Variants in NLRC5 observed in about 807,000 individuals in gnomAD.
NLRC5 encodes protein NLRC5.
NLRC5 carries 114 observed loss-of-function variants against 206.9 expected under a neutral mutation model. The observed-to-expected ratio is 0.55, with a 90% CI of 0.47 to 0.64. NLRC5 has a LOEUF of 0.64. Among genes scored for constraint, NLRC5 ranks in the 30% least tolerant of loss-of-function variants. The pLI, the probability that NLRC5 is intolerant of heterozygous loss-of-function variation, is 0.00. For missense variants in NLRC5, 2,008 were observed against 2,305.5 expected (o/e 0.87, Z 2.64); for synonymous variants, 952 against 962.8 (o/e 0.99, Z 0.21).
At position 57,083,237 on chromosome 16, in the gene NLRC5, A is replaced by G. The variant is rs1425239209; in HGVS notation, c.*709A>G. 2 of 152,230 alleles carry G rather than the reference A, an allele frequency of 1.3e-5. No individual in the cohort carries two copies. Among genetic ancestry groups the G allele is most frequent in the African/African-American group, 4.8e-5 (2 of 41,434 alleles). The allele number at this position is 152,230 out of a possible 1,614,324, so 9.4% of individuals were successfully genotyped here. On this transcript the variant is annotated 3_prime_UTR_variant, in exon 49 of 49. Coordinates refer to ENST00000688547, the MANE Select transcript of NLRC5 (RefSeq NM_001384950.1). ...ACTTGATGACTCCTCCCTTACTTACATACTAGCTTCCAAGGACAGGTGGAG... is the reference window on the plus strand; with the variant it reads ...ACTTGATGACTCCTCCCTTACTTACGTACTAGCTTCCAAGGACAGGTGGAG...
At chr16:57,023,676 T>G (rs979764896) in intron 4 of NLRC5, 109 bp from the exon 5 acceptor site, 1 of 841,000 alleles carries the variant, frequency 1.2e-6, no homozygotes, top group Non-Finnish European at 1.9e-6. Context: ...GTGGGTGTAC[T>G]TGGCTGCCTG....
intron 1 of NLRC5, among the ~76,000 whole-genome samples, chr16:57,003,515 A>T (rs1195235495): frequency 6.6e-6 from 1 of 151,910 alleles, no homozygotes; most frequent in Non-Finnish European, 1.5e-5. Flanking sequence ...TGTGGGTGAC[A>T]CCTGCATCCT....
chr16:57,067,971 A>T, intron 36 of NLRC5, 143 bp downstream of exon 36: 1 of 652,726 alleles, frequency 1.5e-6, no homozygotes, highest in Non-Finnish European at 2.7e-6. Context: ...CCTGGAGATG[A>T]TTTTTAGGGG....
chr16:57,039,080 C>G (rs1284417774), intron 15 of NLRC5, among the ~76,000 whole-genome samples: 1 of 152,064 alleles, frequency 6.6e-6, no homozygotes, highest in Non-Finnish European at 1.5e-5. Flanking sequence ...ATAGTTTAAT[C>G]CCATGTTTGT....
At position 57,045,469 on chromosome 16, in the gene NLRC5, C is replaced by G; in HGVS notation, c.3225C>G (p.Leu1075=). 2 of 1,614,150 alleles carry G rather than the reference C, an allele frequency of 1.2e-6. No homozygotes were observed. The highest frequency in any genetic ancestry group is 2.2e-5 in the East Asian group (1 of 44,880). ...LDISFESQHI[L]LRGDKTSRDM... ...CCAGCTTTGAAAGCCAACACATCCT[C>G]CTGAGAGGGGACAAGACAAGCAGGT... The change falls in exon 21 of 49, where the codon CTC becomes CTG. Residue 1075 remains leucine (L), a synonymous_variant. Coordinates refer to ENST00000688547, the MANE Select transcript of NLRC5 (RefSeq NM_001384950.1).
intron 1 of NLRC5, among the ~76,000 whole-genome samples, chr16:57,001,085 CG>C (rs1195743144): frequency 6.6e-6 from 1 of 152,182 alleles, no homozygotes; most frequent in Non-Finnish European, 1.5e-5. Context: ...CAGCCATTCC[CG>C]GGGGGAAGGC....
Position 57,023,859 on chromosome 16 carries a change from TA to T in NLRC5, c.424+7del. Reference sequence around the variant, plus strand: ...GTGCAAGAAGCAGCAGCTAGGTGGGTACCAGTGTGGGGAGGAACATAAACAG... The same window carrying T: ...GTGCAAGAAGCAGCAGCTAGGTGGGTCCAGTGTGGGGAGGAACATAAACAG... On this transcript the variant is annotated splice_region_variant and intron_variant, in intron 5 of 48. Coordinates refer to ENST00000688547, the MANE Select transcript of NLRC5 (RefSeq NM_001384950.1). The T allele has an allele frequency of 6.2e-7, 1 of 1,607,136 alleles. No individual in the cohort carries two copies. Among genetic ancestry groups the T allele is most frequent in the East Asian group, 2.2e-5 (1 of 44,760 alleles).
intron 16 of NLRC5, among the ~76,000 whole-genome samples, 178 bp from the exon 17 acceptor site, chr16:57,040,472 G>A (rs1276401633): frequency 6.6e-6 from 1 of 152,208 alleles, no homozygotes; most frequent in African/African-American, 2.4e-5. Context: ...CTCCCATTGA[G>A]AGGCTGTGAT....
In NLRC5 at chr16:57,070,564, G is replaced by C; in HGVS notation, c.4613G>C (p.Gly1538Ala). ...DLSNNQFDEE[G>A]TKALMRALEG... ...TCTAACAATCAATTTGATGAGGAGGGCACCAAGGCGCTGATGAGGGCCCTT... is the reference window on the plus strand; with the variant it reads ...TCTAACAATCAATTTGATGAGGAGGCCACCAAGGCGCTGATGAGGGCCCTT... The change falls in exon 38 of 49, where the codon GGC (glycine) becomes GCC (alanine). Residue 1538 changes from glycine (G) to alanine (A), a missense_variant. Physicochemically the swap from Gly to Ala is moderately conservative, Grantham distance 60. Transcript: ENST00000688547. The C allele has an allele frequency of 6.2e-7, 1 of 1,614,108 alleles. No individual in the cohort carries two copies. Among genetic ancestry groups the C allele is most frequent in the Non-Finnish European group, 8.5e-7 (1 of 1,180,016 alleles).
At chr16:57,039,330 C>T (rs2062991127) in intron 15 of NLRC5, among the ~76,000 whole-genome samples, 1 of 152,126 alleles carries the variant, frequency 6.6e-6, no homozygotes, top group Admixed American at 6.5e-5. Flanking sequence ...AGATTTCAGC[C>T]CTCCAAAAGC....
chr16:57,067,290 T>A, intron 34 of NLRC5, 97 bp from the exon 35 acceptor site: 1 of 952,928 alleles, frequency 1.0e-6, no homozygotes, highest in Non-Finnish European at 1.7e-6. Flanking sequence ...GATCAGCATT[T>A]ATTTACCCCT....
chr16:57,075,005 C>CCT (rs2068196484), intron 39 of NLRC5, among the ~76,000 whole-genome samples: 2 of 58,066 alleles, frequency 3.4e-5, no homozygotes, highest in Non-Finnish European at 6.3e-5. Context: ...CTAGACTGTG[C>CCT]TTTTTTTTTT....
At chr16:57,035,781 A>C (rs2062483109) in intron 13 of NLRC5, among the ~76,000 whole-genome samples, 1 of 152,236 alleles carries the variant, frequency 6.6e-6, no homozygotes, top group Non-Finnish European at 1.5e-5. Flanking sequence ...GCCTGGGTTC[A>C]AATCCAGGTT....
chr16:57,037,050 A>G, intron 14 of NLRC5, 145 bp from the exon 15 acceptor site: 2 of 711,156 alleles, frequency 2.8e-6, no homozygotes, highest in Non-Finnish European at 5.1e-6. Context: ...CACGCACCAG[A>G]ATCCTTTGAG....
intron 23 of NLRC5, chr16:57,048,325 T>A (rs2064289061): frequency 6.6e-6 from 1 of 152,288 alleles, no homozygotes; most frequent in Non-Finnish European, 1.5e-5. Flanking sequence ...TCTACCTGTT[T>A]GCAGTCATAA....
intron 17 of NLRC5, 28 bp downstream of exon 17, chr16:57,040,746 G>A: frequency 6.2e-7 from 1 of 1,606,876 alleles, no homozygotes; most frequent in Non-Finnish European, 8.5e-7. Flanking sequence ...AGCCCTGTGT[G>A]TGATTCCAGC....
intron 10 of NLRC5, among the ~76,000 whole-genome samples, chr16:57,030,782 G>A (rs1446741155): frequency 6.6e-6 from 1 of 152,160 alleles, no homozygotes; most frequent in Non-Finnish European, 1.5e-5. Context: ...GGGTAGGTTA[G>A]GTGTCATTTT....
intron 3 of NLRC5, 100 bp downstream of exon 3, chr16:57,021,107 T>C (rs2060621989): frequency 9.6e-7 from 1 of 1,043,550 alleles, no homozygotes; most frequent in Non-Finnish European, 1.4e-6. Flanking sequence ...AGAGAGGGTG[T>C]AGCCCAGCCA....
intron 1 of NLRC5, among the ~76,000 whole-genome samples, chr16:57,011,280 G>A (rs2059463944): frequency 6.6e-6 from 1 of 152,104 alleles, no homozygotes. Context: ...GGGCATGGTG[G>A]TGGGTGCCTA....
Sources: allele counts gnomAD v4.1 joint callset (sites outside exome capture counted in the v4.1 genomes callset), GRCh38; gene constraint gnomAD v4.1.1; transcripts MANE v1.5; gene names NCBI Gene and HGNC (gene_info 2026-07-23, HGNC 2026-07-21).